The following HOXA3 variants were observed in gnomAD, a reference collection of about 807,000 sequenced individuals.
HOXA3 encodes homeobox protein Hox-A3.
Under a neutral mutation model 30.3 loss-of-function variants are expected in HOXA3, and 8 were observed. The observed-to-expected ratio is 0.26, with a 90% CI of 0.15 to 0.48. The LOEUF (loss-of-function observed/expected upper bound fraction) is 0.48. Among genes scored for constraint, HOXA3 ranks in the 20% least tolerant of loss-of-function variants. The probability of loss-of-function intolerance (pLI) is 0.99; values close to 1 mark genes in which losing one functional copy is unlikely to be tolerated. For synonymous variants in HOXA3, 323 were observed against 273.1 expected, an observed-to-expected ratio of 1.18 and a Z score of -1.80; for missense variants, 653 against 614.4, an observed-to-expected ratio of 1.06 and a Z score of -0.66.
intron 1 of HOXA3, chr7:27,143,091 G>C: frequency 6.4e-7 from 1 of 1,556,302 alleles, no homozygotes; most frequent in Non-Finnish European, 8.6e-7. Context: ...ATCTGGGGTT[G>C]GGCGGGCGGC....
intron 5 of HOXA3, among the ~76,000 whole-genome samples, chr7:27,109,592 C>G (rs1287158846): frequency 6.6e-6 from 1 of 152,258 alleles, no homozygotes; most frequent in Admixed American, 6.5e-5. Flanking sequence ...AGATCTTTGG[C>G]TGCTTTCATT....
At chr7:27,118,877 A>T (rs6461986) in intron 4 of HOXA3, among the ~76,000 whole-genome samples, 144,819 of 152,222 alleles carry the variant, frequency 0.95, 68,972 homozygotes, top group East Asian at 1. Context: ...CTACAGACGC[A>T]AGAAACACCA....
At chr7:27,145,659 T>G (rs767679442) in intron 1 of HOXA3, 4 of 1,612,862 alleles carry the variant, frequency 2.5e-6, no homozygotes, top group South Asian at 1.1e-5. Context: ...CCCAGGCATC[T>G]ACTCGCCCGC....
rs1784133670 is a variant in HOXA3 at position 27,108,197 on chromosome 7, C to T, written c.1050G>A (p.Gln350=). The part of the protein sequence containing the change: ...PDYDPHAHGL[Q]GNGSYGTPHI... ...GTGGGGTCCCATAGCTGCCGTTGCC[C>T]TGCAGGCCATGAGCGTGCGGGTCAT... Residue 350 remains glutamine, a synonymous_variant, in exon 6 of 6, where the codon CAG becomes CAA. Coordinates refer to ENST00000612286, the MANE Select transcript of HOXA3 (RefSeq NM_153631.3). This position sits in a 1 kb window ranked among gnomAD's most constrained non-coding sequence, Gnocchi z 5.0. The T allele has an allele frequency of 6.5e-7, 1 of 1,544,594 alleles. No individual in the cohort carries two copies. Among genetic ancestry groups the T allele is most frequent in the South Asian group, 1.2e-5 (1 of 81,780 alleles).
At position 27,110,498 on chromosome 7, in the gene HOXA3, G is replaced by A. The variant is rs750054841; in HGVS notation, c.143C>T (p.Pro48Leu). The A allele has an allele frequency of 1.9e-6, 3 of 1,605,090 alleles. No homozygotes were observed. Among genetic ancestry groups the A allele is most frequent in the South Asian group, 1.1e-5 (1 of 90,764 alleles). Reference protein sequence around the residue: ...ALGADGEYHRPACSLQSPSSA... With the variant: ...ALGADGEYHRLACSLQSPSSA... ...GGAGGGAGACTGGAGGGAGCAGGCG[G>A]GTCGGTGGTACTCGCCGTCGGCGCC... Residue 48 changes from proline to leucine, a missense_variant, in exon 5 of 6, where the codon CCC (proline) becomes CTC (leucine). Transcript: ENST00000612286.
At chr7:27,149,567 G>A (rs1782897610) in intron 1 of HOXA3, among the ~76,000 whole-genome samples, 1 of 152,250 alleles carries the variant, frequency 6.6e-6, no homozygotes, top group South Asian at 2.1e-4. Flanking sequence ...GCGGCTGCTA[G>A]CCCGGCAACG....
Position 27,143,268 on chromosome 7 carries a change from T to A in HOXA3, c.-493-3082A>T. 2 of 1,607,076 alleles carry A rather than the reference T, an allele frequency of 1.2e-6. No homozygotes were observed. Among genetic ancestry groups the A allele is most frequent in the Non-Finnish European group, 1.7e-6 (2 of 1,178,426 alleles). On this transcript the variant is annotated intron_variant, in intron 1 of 5. Coordinates refer to ENST00000612286, the MANE Select transcript of HOXA3 (RefSeq NM_153631.3). The stretch of plus-strand genomic sequence containing the variant: ...AGGGAGTTTTTCCCGCCGTGGTGGC[T>A]GTCGCTGCCGGGCGAGGGGGCCACG...
intron 4 of HOXA3, chr7:27,121,857 A>G (rs1276392837): frequency 1.3e-5 from 2 of 152,690 alleles, no homozygotes; most frequent in Non-Finnish European, 2.9e-5. Context: ...TCCCAAACTA[A>G]GAGGACAAAT....
At chr7:27,127,479 G>A (rs968119176) in intron 2 of HOXA3, among the ~76,000 whole-genome samples, 1 of 152,174 alleles carries the variant, frequency 6.6e-6, no homozygotes, top group African/African-American at 2.4e-5. Context: ...AGAGAAATGT[G>A]TTTAAAAATT....
intron 1 of HOXA3, among the ~76,000 whole-genome samples, chr7:27,149,140 A>T (rs1490188891): frequency 6.6e-6 from 1 of 152,264 alleles, no homozygotes; most frequent in Admixed American, 6.5e-5. Context: ...CTTGCCTGAG[A>T]GGTGTGCCTT....
intron 4 of HOXA3, among the ~76,000 whole-genome samples, 198 bp from the exon 5 acceptor site, chr7:27,110,958 G>T (rs752152605): frequency 1.3e-5 from 2 of 151,292 alleles, no homozygotes; most frequent in Non-Finnish European, 3.0e-5. Context: ...CTTAACTTGC[G>T]TCTGGAGTTG....
intron 2 of HOXA3, chr7:27,129,897 G>A (rs1785448440): frequency 1.6e-6 from 1 of 617,660 alleles, no homozygotes; most frequent in African/African-American, 1.8e-5. Context: ...TTGGCGTCTC[G>A]TAAATCTCCT....
chr7:27,133,170 C>G (rs764168020), intron 2 of HOXA3, among the ~76,000 whole-genome samples: 4 of 152,092 alleles, frequency 2.6e-5, no homozygotes, highest in African/African-American at 7.2e-5. Context: ...ATCTCAACAC[C>G]GACATTTTGA....
Position 27,130,283 on chromosome 7 carries a change from G to A in HOXA3, c.-389-3213C>T, listed in dbSNP as rs565283516. On this transcript the variant is annotated intron_variant, in intron 2 of 5. Transcript: ENST00000612286. Reference sequence around the variant, plus strand: ...GCCTCGCAGCGCCGCGGGGCCGCTGGGGGCACGGCGCGAGGCTGCAGGGGC... The same window carrying A: ...GCCTCGCAGCGCCGCGGGGCCGCTGAGGGCACGGCGCGAGGCTGCAGGGGC... 4.0e-4 allele frequency: 447 copies of A among 1,107,228 alleles called. 10 individuals carry two copies. In the East Asian group the frequency reaches 0.021, roughly 52 times the overall value. 68.6% of individuals were successfully genotyped at this position (1,107,228 alleles called of 1,614,324 possible).
intron 4 of HOXA3, among the ~76,000 whole-genome samples, chr7:27,120,050 C>A (rs1277278885): frequency 6.6e-6 from 1 of 152,100 alleles, no homozygotes; most frequent in Non-Finnish European, 1.5e-5. Context: ...AGAACTCACT[C>A]CTCTCATTCT....
intron 3 of HOXA3, among the ~76,000 whole-genome samples, 190 bp downstream of exon 3, chr7:27,126,696 C>G (rs1048558635): frequency 6.6e-6 from 1 of 152,146 alleles, no homozygotes; most frequent in Non-Finnish European, 1.5e-5. Flanking sequence ...ACAGTTGGGA[C>G]AAAAATGCCA....
intron 1 of HOXA3, chr7:27,142,934 G>A (rs1782625336): frequency 9.7e-7 from 1 of 1,031,842 alleles, no homozygotes. Context: ...GAGCTCCGCA[G>A]GGCTGGGAGA....
At chr7:27,149,169 C>T (rs1782885170) in intron 1 of HOXA3, among the ~76,000 whole-genome samples, 1 of 152,272 alleles carries the variant, frequency 6.6e-6, no homozygotes, top group Non-Finnish European at 1.5e-5. Context: ...TTGACTTTTA[C>T]AACACATGGA....
intron 1 of HOXA3, chr7:27,141,710 G>A: frequency 8.2e-7 from 1 of 1,216,844 alleles, no homozygotes; most frequent in Non-Finnish European, 1.2e-6. Context: ...ATTAAAAGAT[G>A]AATTAGGGCA....
Sources: allele counts gnomAD v4.1 joint callset (sites outside exome capture counted in the v4.1 genomes callset), GRCh38; gene constraint gnomAD v4.1.1; non-coding constraint Gnocchi (gnomAD v3.1); transcripts MANE v1.5; gene names NCBI Gene and HGNC (gene_info 2026-07-23, HGNC 2026-07-21).